Variants in PHF24 observed in about 807,000 individuals in gnomAD.
PHF24 encodes the protein PHD finger protein 24.
In PHF24, 25 loss-of-function variants were observed where a neutral mutation model predicts 42.6. That is an observed-to-expected ratio of 0.59 (90% confidence interval 0.43 to 0.82). The LOEUF is 0.82. Ranked by LOEUF, PHF24 falls within the 40% of genes least tolerant of loss-of-function variation. The pLI is 0.00. For missense variants in PHF24, 470 were observed against 538.1 expected (o/e 0.87, Z 1.25); for synonymous variants, 185 against 204.8 (o/e 0.90, Z 0.83).
the PHF24 span, chr9:34,834,412 G>A: frequency 6.4e-7 from 1 of 1,551,758 alleles, no homozygotes; most frequent in Non-Finnish European, 8.7e-7. Flanking sequence ...GGGCTGTGCT[G>A]CTGCTGGACA....
At chr9:34,730,918 C>T in the PHF24 span, among the ~76,000 whole-genome samples, 79 of 152,232 alleles carry the variant, frequency 5.2e-4, no homozygotes, top group Admixed American at 9.8e-4. Context: ...GACTGGAGAG[C>T]AATTGTGAGA....
the PHF24 span, among the ~76,000 whole-genome samples, chr9:34,814,687 C>A: frequency 6.6e-6 from 1 of 152,234 alleles, no homozygotes; most frequent in African/African-American, 2.4e-5. Flanking sequence ...TGCCAGCATT[C>A]ATGAAACAGT....
chr9:34,912,367 C>A, the PHF24 span, among the ~76,000 whole-genome samples: 4 of 152,280 alleles, frequency 2.6e-5, no homozygotes, highest in African/African-American at 9.6e-5. Flanking sequence ...AACTCCAACT[C>A]TCTACGAAAG....
chr9:34,968,842 C>T (rs950890203), intron 1 of PHF24, among the ~76,000 whole-genome samples: 3 of 152,184 alleles, frequency 2.0e-5, no homozygotes, highest in African/African-American at 4.8e-5. Context: ...ATAAAACAGT[C>T]TAATAGGGGA....
the PHF24 span, chr9:34,833,067 C>T: frequency 1.3e-3 from 2,057 of 1,538,096 alleles, 26 homozygotes; most frequent in African/African-American, 0.028. Context: ...TGGTCTTCAG[C>T]AGGGCGTCTC....
At chr9:34,936,074 C>T in the PHF24 span, among the ~76,000 whole-genome samples, 74 of 149,484 alleles carry the variant, frequency 5.0e-4, 2 homozygotes, top group Admixed American at 4.9e-3. Context: ...CCTCTCCCCA[C>T]GGTCTCCCTC....
the PHF24 span, chr9:34,833,838 C>A: frequency 6.4e-7 from 1 of 1,551,482 alleles, no homozygotes; most frequent in East Asian, 2.4e-5. Flanking sequence ...AGAGGCTCTG[C>A]TGGGATTTCC....
At chr9:34,760,823 C>G in the PHF24 span, among the ~76,000 whole-genome samples, 1 of 152,142 alleles carries the variant, frequency 6.6e-6, no homozygotes, top group African/African-American at 2.4e-5. Flanking sequence ...GAAAACTGGT[C>G]TTTACAAAAA....
the PHF24 span, among the ~76,000 whole-genome samples, chr9:34,760,727 C>T: frequency 2.0e-5 from 3 of 152,242 alleles, no homozygotes; most frequent in Non-Finnish European, 4.4e-5. Context: ...CGCGGGGGCT[C>T]ACGCCTGAAA....
At chr9:34,867,709 A>G in the PHF24 span, among the ~76,000 whole-genome samples, 1 of 152,162 alleles carries the variant, frequency 6.6e-6, no homozygotes, top group Non-Finnish European at 1.5e-5. Flanking sequence ...TGCATTCTGT[A>G]CTTTTTATAG....
intron 4 of PHF24, 85 bp from the exon 5 acceptor site, chr9:34,976,450 G>A (rs1175302293): frequency 9.0e-6 from 13 of 1,439,528 alleles, no homozygotes; most frequent in Admixed American, 5.8e-5. Flanking sequence ...GTGGGTTTGG[G>A]GGCCCCGAGG....
chr9:34,916,630 A>G, the PHF24 span, among the ~76,000 whole-genome samples: 2 of 152,248 alleles, frequency 1.3e-5, no homozygotes, highest in East Asian at 3.8e-4. Flanking sequence ...GAAGATAATC[A>G]AAACTTAGGA....
chr9:34,709,918 G>T, the PHF24 span: 1 of 1,614,176 alleles, frequency 6.2e-7, no homozygotes. Context: ...GGATTCACAG[G>T]GAGCCAGGGG....
chr9:34,884,079 G>T, the PHF24 span, among the ~76,000 whole-genome samples: 1 of 152,170 alleles, frequency 6.6e-6, no homozygotes, highest in Non-Finnish European at 1.5e-5. Flanking sequence ...CATGGATGAA[G>T]CTGGAAACCA....
At chr9:34,755,021 A>G in the PHF24 span, among the ~76,000 whole-genome samples, 4 of 151,948 alleles carry the variant, frequency 2.6e-5, no homozygotes, top group Admixed American at 1.3e-4. Context: ...GAACTCATGG[A>G]GAGAGAGAGA....
intron 3 of PHF24, among the ~76,000 whole-genome samples, chr9:34,975,622 T>C (rs1198455644): frequency 1.3e-5 from 2 of 152,182 alleles, no homozygotes; most frequent in African/African-American, 4.8e-5. Flanking sequence ...AGCCTTGTAA[T>C]AATGGCATCT....
At chr9:34,937,647 TA>T in the PHF24 span, among the ~76,000 whole-genome samples, 5 of 142,832 alleles carry the variant, frequency 3.5e-5, no homozygotes, top group Non-Finnish European at 6.0e-5. Flanking sequence ...ATGATCAATT[TA>T]AAAAAAAAAA....
the PHF24 span, among the ~76,000 whole-genome samples, chr9:34,941,957 G>T: frequency 0.036 from 5,488 of 152,264 alleles, 162 homozygotes; most frequent in Non-Finnish European, 0.05. Context: ...TTGTCACTAA[G>T]TGGCTGGTTG....
the PHF24 span, among the ~76,000 whole-genome samples, chr9:34,745,185 G>A: frequency 6.6e-6 from 1 of 152,126 alleles, no homozygotes; most frequent in Non-Finnish European, 1.5e-5. Flanking sequence ...AGCTGAAGTA[G>A]GCTGACTACT....
Sources: gnomAD v4.1 joint callset for allele counts (sites outside exome capture counted in the v4.1 genomes callset) on GRCh38, gnomAD v4.1.1 for gene constraint, MANE v1.5 for transcripts, NCBI Gene and HGNC (gene_info 2026-07-23, HGNC 2026-07-21) for gene names.